POLA1: variants seen among roughly 807,000 people sequenced by gnomAD.
The protein encoded by POLA1 is DNA polymerase alpha 1, catalytic subunit.
In POLA1, 15 loss-of-function variants were observed where a neutral mutation model predicts 124.0. The ratio of observed to expected loss-of-function variants is 0.12; its 90% CI spans 0.08 to 0.19. The LOEUF (loss-of-function observed/expected upper bound fraction) is 0.19. POLA1 is among the 10% of genes least tolerant of loss of function. The probability of loss-of-function intolerance (pLI) is 1.00; values close to 1 mark genes in which losing one functional copy is unlikely to be tolerated. For synonymous variants in POLA1, 408 were observed against 389.4 expected (o/e 1.05, Z -0.56); for missense variants, 886 against 1,103.4 (o/e 0.80, Z 2.79).
At chrX:24,910,307 C>G (rs1262359777) in intron 35 of POLA1, among the ~76,000 whole-genome samples, 1 of 108,454 alleles carries the variant, frequency 9.2e-6, no homozygotes. Flanking sequence ...GAGGGCATCC[C>G]TGTCTTGTGC....
intron 26 of POLA1, among the ~76,000 whole-genome samples, chrX:24,787,688 A>G (rs192818146): frequency 4.5e-5 from 5 of 111,776 alleles, no homozygotes; most frequent in East Asian, 5.6e-4. Context: ...TACTTTGGCT[A>G]TTTGGGGTCT....
chrX:24,920,977 A>G (rs1048930856), intron 35 of POLA1, among the ~76,000 whole-genome samples: 2 of 112,304 alleles, frequency 1.8e-5, no homozygotes, highest in African/African-American at 6.5e-5. Flanking sequence ...GATTCTAGCT[A>G]TGAATAATCA....
At chrX:24,924,958 A>C (rs749430890) in intron 35 of POLA1, among the ~76,000 whole-genome samples, 1 of 111,221 alleles carries the variant, frequency 9.0e-6, no homozygotes, top group Non-Finnish European at 1.9e-5. Context: ...TGAGGGTGCT[A>C]GTAGGGATTT....
Position 24,733,842 on chromosome X carries a change from CTGTT to C in POLA1, c.1833+33_1833+36del, listed in dbSNP as rs756801396. ...GTAAAGTGCTCATTATATGAAGCAC[CTGTT>C]TGTTTGGAGCGAGAAAGAAAAGGGG... On this transcript the variant is annotated intron_variant, in intron 17 of 36. Transcript: ENST00000379068. 2.4e-4 allele frequency: 214 copies of C among 886,470 alleles called. No individual in the cohort carries two copies. In the African/African-American group the frequency reaches 3.7e-3, roughly 15 times the overall value. 73.1% of individuals were successfully genotyped at this position (886,470 alleles called of 1,213,427 possible).
In POLA1 at chrX:24,904,140, A is replaced by C. The variant is rs757121657; in HGVS notation, c.4164+16018A>C. ...CTTTTAGTAAAGATGAGGTCTTGCT[A>C]TGTTGCCTAGGCTGGTCTCAAACTC... On this transcript the variant is annotated intron_variant, in intron 35 of 36. Coordinates refer to ENST00000379068, the MANE Select transcript of POLA1 (RefSeq NM_001330360.2). Among the ~76,000 whole-genome samples the C allele has an allele frequency of 9.2e-5, 10 of 108,813 alleles. No individual in the cohort carries two copies. The Admixed American group carries it at 9.9e-4, about 11-fold the overall frequency. The allele number at this position is 108,813 out of a possible 115,157, so 94.5% of individuals were successfully genotyped here.
At chrX:24,974,673 G>GA (rs1483437335) in intron 36 of POLA1, among the ~76,000 whole-genome samples, 2 of 110,124 alleles carry the variant, frequency 1.8e-5, no homozygotes, top group African/African-American at 6.6e-5. Context: ...GGCAAGGGGA[G>GA]AGAGAGCATT....
Position 24,727,770 on chromosome X carries a change from A to G in POLA1, c.1532-12A>G, listed in dbSNP as rs41305181. On this transcript the variant is annotated splice_polypyrimidine_tract_variant and intron_variant, in intron 14 of 36. Transcript: ENST00000379068. ...AAATAGCTATTGATCTGTTGTATCTATTCTCTTTCAGAGCTCTTGAATCAG... is the reference window on the plus strand; with the variant it reads ...AAATAGCTATTGATCTGTTGTATCTGTTCTCTTTCAGAGCTCTTGAATCAG... The G allele has an allele frequency of 0.012, 14,020 of 1,195,342 alleles. 72 individuals are homozygous for G. The highest frequency in any genetic ancestry group is 0.02 in the Middle Eastern group (85 of 4,303).
intron 31 of POLA1, among the ~76,000 whole-genome samples, 200 bp downstream of exon 31, chrX:24,821,783 A>G (rs905311959): frequency 9.5e-4 from 107 of 112,502 alleles, no homozygotes; most frequent in Non-Finnish European, 2.6e-4. Flanking sequence ...GATTTGTAAC[A>G]GTAGCTACTC....
intron 36 of POLA1, among the ~76,000 whole-genome samples, chrX:24,955,619 T>A (rs1279829400): frequency 8.9e-6 from 1 of 112,208 alleles, no homozygotes; most frequent in African/African-American, 3.2e-5. Flanking sequence ...CATTAGGCAG[T>A]CCCCATTGTT....
At chrX:24,907,170 G>A (rs967940458) in intron 35 of POLA1, among the ~76,000 whole-genome samples, 4 of 110,936 alleles carry the variant, frequency 3.6e-5, no homozygotes, top group East Asian at 2.8e-4. Context: ...CAGCCTGCGC[G>A]ACAGAGCAAG....
At chrX:24,737,026 A>G (rs1292357138) in intron 18 of POLA1, among the ~76,000 whole-genome samples, 3 of 112,202 alleles carry the variant, frequency 2.7e-5, no homozygotes, top group Non-Finnish European at 5.6e-5. Context: ...TGCATTTTTG[A>G]GATAATTTCT....
At chrX:24,757,457 T>TTTTA (rs1932666252) in intron 26 of POLA1, among the ~76,000 whole-genome samples, 1 of 71,797 alleles carries the variant, frequency 1.4e-5, no homozygotes, top group African/African-American at 4.4e-5. Flanking sequence ...TTTTTTTTTT[T>TTTTA]GAGACAGAGT....
chrX:24,987,544 A>G (rs1348030219), intron 36 of POLA1, among the ~76,000 whole-genome samples: 1 of 112,231 alleles, frequency 8.9e-6, no homozygotes, highest in Admixed American at 9.4e-5. Flanking sequence ...CGCTTACACT[A>G]AATGTATAGT....
chrX:24,808,302 C>T (rs1205414179), intron 26 of POLA1, among the ~76,000 whole-genome samples: 1 of 111,347 alleles, frequency 9.0e-6, no homozygotes, highest in Non-Finnish European at 1.9e-5. Context: ...CCCCCACCGC[C>T]TGCCCCCTCA....
At chrX:24,899,153 A>G (rs1241470659) in intron 35 of POLA1, among the ~76,000 whole-genome samples, 3 of 111,789 alleles carry the variant, frequency 2.7e-5, no homozygotes, top group East Asian at 2.8e-4. Context: ...TTTTCTCCCA[A>G]TTGTTTTATT....
At chrX:24,819,548 C>T (rs1044152466) in intron 30 of POLA1, among the ~76,000 whole-genome samples, 1 of 111,905 alleles carries the variant, frequency 8.9e-6, no homozygotes, top group Admixed American at 9.5e-5. Flanking sequence ...TTCCCTTGAG[C>T]AATCTTTGTT....
intron 32 of POLA1, among the ~76,000 whole-genome samples, chrX:24,836,767 T>C (rs1280153188): frequency 9.0e-6 from 1 of 111,729 alleles, no homozygotes; most frequent in Admixed American, 9.5e-5. Flanking sequence ...ACAGTTTGAG[T>C]ATCCGTTATC....
intron 30 of POLA1, among the ~76,000 whole-genome samples, chrX:24,816,604 T>C (rs1485096371): frequency 8.9e-6 from 1 of 112,188 alleles, no homozygotes; most frequent in African/African-American, 3.2e-5. Flanking sequence ...CTCAAAAATT[T>C]ATATGAGTAA....
chrX:24,780,015 A>G (rs1015671789), intron 26 of POLA1, among the ~76,000 whole-genome samples: 1 of 112,139 alleles, frequency 8.9e-6, no homozygotes, highest in Non-Finnish European at 1.9e-5. Context: ...CCTTACCACA[A>G]TGCGTATTTG....
Sources: gnomAD v4.1 joint callset for allele counts (sites outside exome capture counted in the v4.1 genomes callset) on GRCh38, gnomAD v4.1.1 for gene constraint, MANE v1.5 for transcripts, NCBI Gene and HGNC (gene_info 2026-07-23, HGNC 2026-07-21) for gene names.